The following NRG1 variants were observed in gnomAD, a reference collection of about 807,000 sequenced individuals.
The protein encoded by NRG1 is pro-neuregulin-1, membrane-bound isoform.
A neutral mutation model predicts 63.8 loss-of-function variants in NRG1; 18 were observed. The ratio of observed to expected loss-of-function variants is 0.28; its 90% CI spans 0.19 to 0.42. The LOEUF is 0.42. Ranked by LOEUF, NRG1 falls within the 10% of genes least tolerant of loss-of-function variation. The probability of loss-of-function intolerance (pLI) is 1.00; values close to 1 mark genes in which losing one functional copy is unlikely to be tolerated. For missense variants in NRG1, 762 were observed against 814.7 expected, an observed-to-expected ratio of 0.94 and a Z score of 0.79; for synonymous variants, 302 against 301.3, an observed-to-expected ratio of 1.00 and a Z score of -0.02.
chr8:32,375,064 C>A (rs1329363962), intron 1 of NRG1, among the ~76,000 whole-genome samples: 2 of 152,170 alleles, frequency 1.3e-5, no homozygotes, highest in African/African-American at 4.8e-5. Flanking sequence ...ATCACTGCAA[C>A]CTCCACTTCC....
At chr8:31,778,498 TTTA>T (rs1321025782) in intron 1 of NRG1, among the ~76,000 whole-genome samples, 1 of 152,252 alleles carries the variant, frequency 6.6e-6, no homozygotes, top group Non-Finnish European at 1.5e-5. Context: ...TTGTTTTTCC[TTTA>T]TTATTCTTTC....
intron 1 of NRG1, among the ~76,000 whole-genome samples, chr8:31,762,644 C>T (rs534670379): frequency 6.6e-6 from 1 of 152,140 alleles, no homozygotes; most frequent in South Asian, 2.1e-4. Flanking sequence ...TCTAATTGCT[C>T]TAGCTAGGGC....
At chr8:32,598,710 G>T (rs1333944099) in intron 2 of NRG1, among the ~76,000 whole-genome samples, 1 of 152,104 alleles carries the variant, frequency 6.6e-6, no homozygotes, top group Non-Finnish European at 1.5e-5. Flanking sequence ...GACATACTTT[G>T]TATAGAGTGG....
chr8:31,838,655 T>A (rs898724168), intron 1 of NRG1, among the ~76,000 whole-genome samples: 3 of 152,208 alleles, frequency 2.0e-5, no homozygotes, highest in Non-Finnish European at 2.9e-5. Context: ...TTACCATCTA[T>A]AATTTAGCTT....
At chr8:31,849,298 G>T (rs1360807194) in intron 1 of NRG1, among the ~76,000 whole-genome samples, 1 of 152,128 alleles carries the variant, frequency 6.6e-6, no homozygotes, top group African/African-American at 2.4e-5. Context: ...CCTTAAATAA[G>T]GCTCTCACTC....
chr8:31,660,963 C>T (rs1805933751), intron 1 of NRG1, among the ~76,000 whole-genome samples: 1 of 151,956 alleles, frequency 6.6e-6, no homozygotes, highest in African/African-American at 2.4e-5. Flanking sequence ...TATTGCAGTA[C>T]CTAAGTATTT....
intron 1 of NRG1, among the ~76,000 whole-genome samples, chr8:32,280,701 T>TTG (rs1554496221): frequency 4.3e-4 from 56 of 130,814 alleles, no homozygotes; most frequent in Non-Finnish European, 8.1e-4. Flanking sequence ...GTTTTTTTTT[T>TTG]TTTTTTTTTT....
chr8:32,580,704 G>A (rs7842773), intron 1 of NRG1, among the ~76,000 whole-genome samples: 42,685 of 151,856 alleles, frequency 0.28, 6,065 homozygotes, highest in South Asian at 0.36. Context: ...ATATTGCACT[G>A]TTTATATGTA....
At chr8:31,723,503 T>C (rs1382738294) in intron 1 of NRG1, among the ~76,000 whole-genome samples, 2 of 152,104 alleles carry the variant, frequency 1.3e-5, no homozygotes, top group Non-Finnish European at 2.9e-5. Flanking sequence ...GGCTGGAGTA[T>C]ATTGGCTATT....
At chr8:31,671,518 A>G (rs1027300432) in intron 1 of NRG1, among the ~76,000 whole-genome samples, 3 of 152,262 alleles carry the variant, frequency 2.0e-5, no homozygotes, top group South Asian at 4.1e-4. Context: ...AAGGATGCAC[A>G]TGTATTTTGG....
chr8:32,249,121 G>A lies in NRG1; in HGVS notation c.38-346707G>A, dbSNP rs117444155. Among the ~76,000 whole-genome samples, 739 of 151,916 alleles carry A rather than the reference G, an allele frequency of 4.9e-3. 4 individuals carry two copies. The highest frequency in any genetic ancestry group is 8.4e-3 in the Non-Finnish European group (572 of 67,872). ...AAGAGATTCTATAACCTAATTTAGC[G>A]ACACCATCCTGAGGTAGGGAAATAT... On this transcript the variant is annotated intron_variant, in intron 1 of 10. Coordinates refer to the NRG1 transcript ENST00000519301.
intron 1 of NRG1, among the ~76,000 whole-genome samples, chr8:32,107,305 A>G (rs1036041127): frequency 1.3e-5 from 2 of 152,232 alleles, no homozygotes; most frequent in African/African-American, 4.8e-5. Flanking sequence ...AAAATAATAC[A>G]TAGTAGTTTT....
intron 1 of NRG1, among the ~76,000 whole-genome samples, chr8:32,253,369 A>G (rs2129470872): frequency 6.6e-6 from 1 of 152,284 alleles, no homozygotes; most frequent in East Asian, 1.9e-4. Context: ...CATTCCATCA[A>G]TAGGTAGTTT....
At chr8:32,524,715 T>C (rs750219384) in intron 1 of NRG1, among the ~76,000 whole-genome samples, 3 of 152,148 alleles carry the variant, frequency 2.0e-5, no homozygotes, top group Non-Finnish European at 4.4e-5. Context: ...TTTAAAATGC[T>C]AGAAAATTTC....
At chr8:32,139,189 C>A (rs1180640306) in intron 1 of NRG1, 2 of 152,182 alleles carry the variant, frequency 1.3e-5, no homozygotes, top group African/African-American at 4.8e-5. Flanking sequence ...TGAAATCTTT[C>A]TTCTTCTATG....
At chr8:31,796,545 G>T (rs144046261) in intron 1 of NRG1, among the ~76,000 whole-genome samples, 1 of 137,758 alleles carries the variant, frequency 7.3e-6, no homozygotes, top group African/African-American at 2.7e-5. Flanking sequence ...CCATTCTCCC[G>T]CCTTAGCCTC....
rs193081457 is a variant in NRG1, at chr8:32,272,076, T to C, written c.38-323752T>C. Among the ~76,000 whole-genome samples the C allele has an allele frequency of 3.5e-3, 535 of 152,308 alleles. 5 individuals are homozygous for C. Among genetic ancestry groups the C allele is most frequent in the African/African-American group, 0.012 (514 of 41,564 alleles). On this transcript the variant is annotated intron_variant, in intron 1 of 10. Coordinates refer to the NRG1 transcript ENST00000519301. Reference sequence around the variant, plus strand: ...TTTCAAGTTTCTAATATTAAATTTCTTTTTCTTTTTTCTGGAATAGGGACT... The same window carrying C: ...TTTCAAGTTTCTAATATTAAATTTCCTTTTCTTTTTTCTGGAATAGGGACT...
At chr8:32,181,547 T>G (rs976859494) in intron 1 of NRG1, among the ~76,000 whole-genome samples, 9 of 152,210 alleles carry the variant, frequency 5.9e-5, no homozygotes, top group Non-Finnish European at 5.9e-5. Flanking sequence ...AGGTTACCAG[T>G]AATACAAAGA....
chr8:32,221,274 A>G (rs1246722032), intron 1 of NRG1: 2 of 152,188 alleles, frequency 1.3e-5, no homozygotes, highest in South Asian at 2.1e-4. Context: ...GCTAGCATGC[A>G]TTTTGTCATC....
Sources: allele counts gnomAD v4.1 joint callset (sites outside exome capture counted in the v4.1 genomes callset), GRCh38; gene constraint gnomAD v4.1.1; transcripts MANE v1.5; gene names NCBI Gene and HGNC (gene_info 2026-07-23, HGNC 2026-07-21).